Variants in FHIT observed in about 807,000 individuals in gnomAD.
FHIT encodes the protein bis(5'-adenosyl)-triphosphatase.
Under a neutral mutation model 17.9 loss-of-function variants are expected in FHIT, and 19 were observed. The ratio of observed to expected loss-of-function variants is 1.06; its 90% confidence interval spans 0.74 to 1.56. The LOEUF (loss-of-function observed/expected upper bound fraction) is 1.56. Among genes scored for constraint, FHIT ranks in the 40% most tolerant of loss-of-function variants. The pLI is 0.00. For synonymous variants in FHIT, 81 were observed against 69.7 expected (o/e 1.16, Z -0.81); for missense variants, 248 against 189.2 (o/e 1.31, Z -1.82).
intron 5 of FHIT, among the ~76,000 whole-genome samples, chr3:60,426,931 C>G (rs59765327): frequency 0.29 from 44,252 of 151,932 alleles, 6,893 homozygotes; most frequent in East Asian, 0.5. Context: ...GTATGGGCAA[C>G]ACTTGGGTAA....
At chr3:60,897,829 G>T (rs1553762262) in intron 3 of FHIT, among the ~76,000 whole-genome samples, 2 of 152,082 alleles carry the variant, frequency 1.3e-5, no homozygotes, top group African/African-American at 4.8e-5. Flanking sequence ...CATAACCATA[G>T]GAATCTTTCT....
At chr3:60,186,645 A>G (rs996502926) in intron 5 of FHIT, among the ~76,000 whole-genome samples, 1 of 152,154 alleles carries the variant, frequency 6.6e-6, no homozygotes, top group Non-Finnish European at 1.5e-5. Context: ...ATAATCACTG[A>G]TTAATCCTCT....
At chr3:59,898,048 T>C (rs530644355) in intron 8 of FHIT, among the ~76,000 whole-genome samples, 2 of 152,162 alleles carry the variant, frequency 1.3e-5, no homozygotes, top group African/African-American at 4.8e-5. Flanking sequence ...ATTACAGGCA[T>C]CAGCCACGGT....
intron 5 of FHIT, among the ~76,000 whole-genome samples, chr3:60,410,995 G>C (rs953228020): frequency 6.6e-6 from 1 of 152,162 alleles, no homozygotes; most frequent in Non-Finnish European, 1.5e-5. Flanking sequence ...AAAAATTGGA[G>C]TAGTGTGCCA....
At position 60,510,204 on chromosome 3, in the gene FHIT, G is replaced by A. The variant is rs117089872; in HGVS notation, c.103+26656C>T. ...CAATGCCTGAGCTGGCCATCTTGGC[G>A]AGTGGGGAAAACTAGAACAGCACTG... On this transcript the variant is annotated intron_variant, in intron 5 of 9. Coordinates refer to ENST00000492590, the MANE Select transcript of FHIT (RefSeq NM_002012.4). Among the ~76,000 whole-genome samples, 495 of 152,308 alleles carry A rather than the reference G, an allele frequency of 3.2e-3. 7 individuals are homozygous for A. The East Asian group carries it at 0.036, about 11-fold the overall frequency.
chr3:61,075,443 G>T (rs906781780), intron 2 of FHIT, among the ~76,000 whole-genome samples: 2 of 152,022 alleles, frequency 1.3e-5, no homozygotes, highest in Admixed American at 1.3e-4. Context: ...GTAACACAAA[G>T]AATTAAAATC....
At chr3:60,711,565 C>A (rs1553705138) in intron 4 of FHIT, among the ~76,000 whole-genome samples, 1 of 152,106 alleles carries the variant, frequency 6.6e-6, no homozygotes, top group South Asian at 2.1e-4. Flanking sequence ...ATAACCAATA[C>A]AGAGAAGTGC....
intron 5 of FHIT, among the ~76,000 whole-genome samples, chr3:60,416,521 A>G (rs986907339): frequency 6.6e-6 from 1 of 152,228 alleles, no homozygotes; most frequent in African/African-American, 2.4e-5. Flanking sequence ...CAATGCATAC[A>G]TGAATTAGCT....
chr3:59,915,210 C>T (rs562778637), intron 8 of FHIT, among the ~76,000 whole-genome samples: 35 of 152,120 alleles, frequency 2.3e-4, no homozygotes, highest in African/African-American at 6.5e-4. Context: ...CTGGTTGGAG[C>T]GAGAATTCAC....
chr3:61,177,856 A>C (rs1455303887), intron 2 of FHIT, among the ~76,000 whole-genome samples: 1 of 152,224 alleles, frequency 6.6e-6, no homozygotes, highest in African/African-American at 2.4e-5. Context: ...AATTCTGACA[A>C]CCTAATAACC....
rs1700696941 is a variant in FHIT at position 59,748,027 on chromosome 3, TAAATGCCCC to T, written c.*1549_*1557del. 6.6e-6 allele frequency among the ~76,000 whole-genome samples: 1 copy of T among 152,148 alleles called. No individual in the cohort carries two copies. The highest frequency in any genetic ancestry group is 1.9e-4 in the East Asian group (1 of 5,194). Reference sequence around the variant, plus strand: ...GAGAGTTTCGGTTTGGTGCTAGAATTAAATGCCCCTCTAATGGTGGCTAGCCTCACTTTT... The same window carrying T: ...GAGAGTTTCGGTTTGGTGCTAGAATTTCTAATGGTGGCTAGCCTCACTTTT... On this transcript the variant is annotated 3_prime_UTR_variant, in exon 10 of 10. Coordinates refer to ENST00000492590, the MANE Select transcript of FHIT (RefSeq NM_002012.4).
At chr3:60,352,559 T>C (rs1699460782) in intron 5 of FHIT, among the ~76,000 whole-genome samples, 1 of 152,158 alleles carries the variant, frequency 6.6e-6, no homozygotes, top group Admixed American at 6.6e-5. Context: ...TAAAGTACAG[T>C]GGTGCAATGA....
At chr3:60,745,346 G>A (rs2042334878) in intron 4 of FHIT, among the ~76,000 whole-genome samples, 1 of 152,196 alleles carries the variant, frequency 6.6e-6, no homozygotes. Flanking sequence ...AGGCTGAGCA[G>A]TAAACATAAG....
intron 7 of FHIT, among the ~76,000 whole-genome samples, chr3:59,939,103 C>A (rs1012568101): frequency 2.0e-5 from 3 of 152,184 alleles, no homozygotes; most frequent in African/African-American, 7.2e-5. Context: ...CCAGCACCAA[C>A]CCTCATTTTT....
At chr3:60,385,914 C>A (rs543982043) in intron 5 of FHIT, among the ~76,000 whole-genome samples, 2 of 152,272 alleles carry the variant, frequency 1.3e-5, no homozygotes, top group East Asian at 1.9e-4. Context: ...AAGAGATTAA[C>A]CCTACCCTGG....
chr3:61,019,068 C>T (rs11130806), intron 3 of FHIT, among the ~76,000 whole-genome samples: 130,670 of 152,184 alleles, frequency 0.86, 56,314 homozygotes, highest in East Asian at 0.99. Context: ...TGTTTTTACA[C>T]AGTAGAAAAA....
chr3:60,850,323 TTCTCTCTCTCTCTC>T (rs3046704), intron 3 of FHIT, among the ~76,000 whole-genome samples: 28 of 120,244 alleles, frequency 2.3e-4, no homozygotes, highest in East Asian at 1.4e-3. Context: ...GTGTCTGCAC[TTCTCTCTCTCTCTC>T]TCTCTCTCTC....
chr3:60,411,552 T>C (rs1232942390), intron 5 of FHIT, among the ~76,000 whole-genome samples: 1 of 152,148 alleles, frequency 6.6e-6, no homozygotes, highest in African/African-American at 2.4e-5. Flanking sequence ...CTACTGGCAA[T>C]ATATTGGCTG....
intron 5 of FHIT, among the ~76,000 whole-genome samples, chr3:60,173,915 A>ATATATTTTTTTTTTTTT: frequency 1.5e-5 from 1 of 66,440 alleles, no homozygotes; most frequent in Non-Finnish European, 2.8e-5. Flanking sequence ...ATATATATAT[A>ATATATTTTTTTTTTTTT]TGTTTTTTTT....
Sources: allele counts gnomAD v4.1 joint callset (sites outside exome capture counted in the v4.1 genomes callset), GRCh38; gene constraint gnomAD v4.1.1; transcripts MANE v1.5; gene names NCBI Gene and HGNC (gene_info 2026-07-23, HGNC 2026-07-21).